The following OSTF1 variants were observed in gnomAD, a reference collection of about 807,000 sequenced individuals.
OSTF1 encodes osteoclast stimulating factor 1.
In OSTF1, 27 loss-of-function variants were observed where a neutral mutation model predicts 37.2. The ratio of observed to expected loss-of-function variants is 0.73; its 90% CI spans 0.54 to 1.00. The LOEUF is 1.00. Among genes scored for constraint, OSTF1 ranks in the 50% least tolerant of loss-of-function variants. OSTF1 has a pLI of 0.00. For synonymous variants in OSTF1, 82 were observed against 89.2 expected (o/e 0.92, Z 0.46); for missense variants, 232 against 253.8 (o/e 0.91, Z 0.58).
chr9:75,126,371 T>A (rs977586150), intron 2 of OSTF1, among the ~76,000 whole-genome samples: 2 of 152,222 alleles, frequency 1.3e-5, no homozygotes, highest in African/African-American at 4.8e-5. Flanking sequence ...TTGTGTCTAT[T>A]TAATGCATAG....
intron 9 of OSTF1, among the ~76,000 whole-genome samples, chr9:75,144,471 G>A (rs956151237): frequency 1.3e-5 from 2 of 152,166 alleles, no homozygotes; most frequent in Non-Finnish European, 2.9e-5. Context: ...AGGATCACTT[G>A]AGTCCAGAAA....
chr9:75,106,646 GAAA>G (rs555955744), intron 1 of OSTF1, among the ~76,000 whole-genome samples: 3 of 72,210 alleles, frequency 4.2e-5, no homozygotes, highest in African/African-American at 1.0e-4. Context: ...ATTCCATCTC[GAAA>G]AAAAAAAAAA....
At chr9:75,099,596 G>A in intron 1 of OSTF1, among the ~76,000 whole-genome samples, 1 of 152,284 alleles carries the variant, frequency 6.6e-6, no homozygotes, top group East Asian at 1.9e-4. Flanking sequence ...GGGAGGCCAA[G>A]GCAGGTGGAT....
chr9:75,102,570 A>G (rs891950342), intron 1 of OSTF1, among the ~76,000 whole-genome samples: 2 of 152,152 alleles, frequency 1.3e-5, no homozygotes, highest in African/African-American at 4.8e-5. Context: ...AAAAAGTTTG[A>G]AAACCTCTAG....
At chr9:75,103,204 G>A (rs1271668965) in intron 1 of OSTF1, among the ~76,000 whole-genome samples, 1 of 152,176 alleles carries the variant, frequency 6.6e-6, no homozygotes, top group Non-Finnish European at 1.5e-5. Flanking sequence ...GAGGCAGGAG[G>A]TTTAGGAGTT....
chr9:75,122,257 G>A (rs1355486231), intron 2 of OSTF1, among the ~76,000 whole-genome samples: 1 of 152,188 alleles, frequency 6.6e-6, no homozygotes, highest in African/African-American at 2.4e-5. Context: ...GCTGCACTAG[G>A]TTAATAGAGC....
chr9:75,102,103 A>C (rs948661586), intron 1 of OSTF1, among the ~76,000 whole-genome samples: 2 of 152,132 alleles, frequency 1.3e-5, no homozygotes, highest in African/African-American at 4.8e-5. Context: ...AGCGCACATT[A>C]CTGTAGGCGC....
At chr9:75,120,724 C>A (rs1203390774) in intron 2 of OSTF1, among the ~76,000 whole-genome samples, 1 of 152,124 alleles carries the variant, frequency 6.6e-6, no homozygotes, top group Non-Finnish European at 1.5e-5. Context: ...TTGCTTCCAC[C>A]AACTGCTTCA....
chr9:75,110,368 T>G (rs772388288), intron 1 of OSTF1, among the ~76,000 whole-genome samples: 8 of 152,238 alleles, frequency 5.3e-5, no homozygotes, highest in Non-Finnish European at 1.2e-4. Context: ...TCATGTTGAC[T>G]TTTCACTTAG....
chr9:75,125,325 A>G (rs571570268), intron 2 of OSTF1, among the ~76,000 whole-genome samples: 111 of 152,304 alleles, frequency 7.3e-4, no homozygotes, highest in African/African-American at 2.3e-3. Context: ...TACTAAAGGA[A>G]ATAGTTTGTT....
At chr9:75,134,682 GC>G (rs1825815960) in intron 7 of OSTF1, among the ~76,000 whole-genome samples, 1 of 152,050 alleles carries the variant, frequency 6.6e-6, no homozygotes, top group Admixed American at 6.6e-5. Context: ...GTGTACTTTG[GC>G]CTCCTGTTGG....
intron 1 of OSTF1, among the ~76,000 whole-genome samples, chr9:75,113,435 TTCTTTTTTTTTTTTCTGTC>T (rs1825426343): frequency 6.6e-6 from 1 of 152,034 alleles, no homozygotes; most frequent in African/African-American, 2.4e-5. Flanking sequence ...GTCTGCAATA[TTCTTTTTTTTTTTTCTGTC>T]TCTTTTTTTT....
chr9:75,130,725 C>G lies in OSTF1; in HGVS notation c.196+84C>G, dbSNP rs77816528. ...GATGCTTTTCTGCTTGCTACTGTGG[C>G]TGAGAAAGCAATGGAGTCATTGTCA... On this transcript the variant is annotated intron_variant, in intron 4 of 9. Transcript: ENST00000346234. The G allele has an allele frequency of 3.7e-3, 3,156 of 844,486 alleles. 61 individuals are homozygous for G. In the African/African-American group the frequency reaches 0.045, roughly 12 times the overall value. 52.3% of individuals were successfully genotyped at this position (844,486 alleles called of 1,614,324 possible).
chr9:75,120,504 C>G (rs892654737), intron 2 of OSTF1, among the ~76,000 whole-genome samples: 5 of 152,264 alleles, frequency 3.3e-5, no homozygotes, highest in South Asian at 2.1e-4. Context: ...ATGGGACTTG[C>G]ATTTACTTTG....
intron 9 of OSTF1, among the ~76,000 whole-genome samples, chr9:75,144,280 G>T (rs1321517425): frequency 1.3e-5 from 2 of 152,182 alleles, no homozygotes; most frequent in Non-Finnish European, 2.9e-5. Flanking sequence ...ACATGGCCAG[G>T]TGTGGCGGCT....
In OSTF1 at chr9:75,131,837, T is replaced by A; in HGVS notation, c.250+14T>A. On this transcript the variant is annotated intron_variant, in intron 5 of 9. Coordinates refer to ENST00000346234, the MANE Select transcript of OSTF1 (RefSeq NM_012383.5). ...CAGCAAAAAGAGGTAGGTGTGATTC[T>A]TTTTGACTGAGGTATGCAGTACAGT... The A allele has an allele frequency of 1.2e-6, 2 of 1,603,360 alleles. No individual in the cohort carries two copies. The highest frequency in any genetic ancestry group is 2.2e-5 in the South Asian group (2 of 90,840).
In OSTF1 at chr9:75,105,458, A is replaced by C. The variant is rs1416419989; in HGVS notation, c.35-12046A>C. Among the ~76,000 whole-genome samples, 3 of 152,236 alleles carry C rather than the reference A, an allele frequency of 2.0e-5. No homozygotes were observed. The East Asian group carries it at 5.8e-4, about 29-fold the overall frequency. ...CTCCAATAAATCTTTATTCATGGAC[A>C]CTGCATTTGAATTTCAGATCATTTT... On this transcript the variant is annotated intron_variant, in intron 1 of 9. Coordinates refer to ENST00000346234, the MANE Select transcript of OSTF1 (RefSeq NM_012383.5).
chr9:75,091,572 C>A (rs1824976540), intron 1 of OSTF1, among the ~76,000 whole-genome samples: 1 of 152,172 alleles, frequency 6.6e-6, no homozygotes, highest in Non-Finnish European at 1.5e-5. Context: ...TCTTGTCCTG[C>A]AGGCAAGCTG....
At chr9:75,137,386 T>C (rs1825859444) in intron 7 of OSTF1, 152 bp from the exon 8 acceptor site, 2 of 586,168 alleles carry the variant, frequency 3.4e-6, no homozygotes. Context: ...TGAGTCTCCT[T>C]TCCTTTTCTC....
Sources: gnomAD v4.1 joint callset for allele counts (sites outside exome capture counted in the v4.1 genomes callset) on GRCh38, gnomAD v4.1.1 for gene constraint, MANE v1.5 for transcripts, NCBI Gene and HGNC (gene_info 2026-07-23, HGNC 2026-07-21) for gene names.